ASCC3: variants seen among roughly 807,000 people sequenced by gnomAD.
ASCC3 encodes the protein activating signal cointegrator 1 complex subunit 3.
In ASCC3, 158 loss-of-function variants were observed where a neutral mutation model predicts 256.3. The observed-to-expected ratio is 0.62, with a 90% CI of 0.54 to 0.70. The LOEUF is 0.70. ASCC3 is among the 30% of genes least tolerant of loss of function. The pLI, the probability that ASCC3 is intolerant of heterozygous loss-of-function variation, is 0.00. For synonymous variants in ASCC3, 948 were observed against 883.4 expected, an observed-to-expected ratio of 1.07 and a Z score of -1.30; for missense variants, 2,259 against 2,626.0, an observed-to-expected ratio of 0.86 and a Z score of 3.05.
At chr6:100,691,644 A>T (rs919636601) in intron 13 of ASCC3, among the ~76,000 whole-genome samples, 3 of 152,084 alleles carry the variant, frequency 2.0e-5, no homozygotes, top group African/African-American at 7.2e-5. Context: ...GAAGAAAATA[A>T]AGATAATCAT....
intron 39 of ASCC3, among the ~76,000 whole-genome samples, chr6:100,513,280 G>C (rs1225551704): frequency 6.6e-6 from 1 of 152,072 alleles, no homozygotes; most frequent in East Asian, 1.9e-4. Flanking sequence ...CTAAAAGAGG[G>C]CTTATCATTA....
intron 25 of ASCC3, among the ~76,000 whole-genome samples, chr6:100,638,190 T>C (rs917207358): frequency 2.6e-5 from 4 of 152,182 alleles, no homozygotes; most frequent in Admixed American, 6.5e-5. Context: ...GCCATCAACA[T>C]TGAGGCAAAA....
chr6:100,766,405 CTCTT>C (rs1261182990), intron 10 of ASCC3, among the ~76,000 whole-genome samples, 156 bp downstream of exon 10: 1 of 152,132 alleles, frequency 6.6e-6, no homozygotes, highest in Non-Finnish European at 1.5e-5. Context: ...CCAGCAAAAA[CTCTT>C]TGTAGTACAG....
rs10696130 is a variant in ASCC3 at position 100,681,725 on chromosome 6, C to CAAAAAAAAAAAAAAAAA, written c.2152-1990_2152-1974dup. The stretch of plus-strand genomic sequence containing the variant: ...CTGGCAACAGAGCGAGACTCCGTCT[C>CAAAAAAAAAAAAAAAAA]AAAAAAAAAAAAAAAAAAAAAAGAA... On this transcript the variant is annotated intron_variant, in intron 13 of 41. Transcript: ENST00000369162. Among the ~76,000 whole-genome samples the CAAAAAAAAAAAAAAAAA allele has an allele frequency of 1.2e-4, 7 of 58,656 alleles. 1 individual carries two copies. In the East Asian group the frequency reaches 4.7e-3, roughly 40 times the overall value. 38.5% of individuals were successfully genotyped at this position (58,656 alleles called of 152,430 possible).
intron 4 of ASCC3, among the ~76,000 whole-genome samples, chr6:100,808,370 A>C (rs1192278231): frequency 6.6e-6 from 1 of 151,944 alleles, no homozygotes; most frequent in Non-Finnish European, 1.5e-5. Context: ...TTTCATTGTA[A>C]CTAAACTGCA....
chr6:100,848,440 G>A lies in ASCC3; in HGVS notation c.509C>T (p.Ser170Leu). 6.2e-7 allele frequency: 1 copy of A among 1,611,332 alleles called. No homozygotes were observed. The highest frequency in any genetic ancestry group is 8.5e-7 in the Non-Finnish European group (1 of 1,178,808). ...GTGGTCCAAATCATGCATGTCAAAT[G>A]AAAATGCTAAATTTTTACCAAAAAA... Reference protein sequence around the residue: ...RVFFGKNLAFSFDMHDLDHFD... With the variant: ...RVFFGKNLAFLFDMHDLDHFD... The change falls in exon 4 of 42, where the codon TCA (serine) becomes TTA (leucine). Residue 170 changes from serine to leucine, a missense_variant. By Grantham distance (145) the Ser-to-Leu change is moderately radical. Transcript: ENST00000369162.
intron 24 of ASCC3, 143 bp downstream of exon 24, chr6:100,642,438 T>G (rs555742923): frequency 2.6e-4 from 226 of 861,690 alleles, no homozygotes; most frequent in Non-Finnish European, 3.8e-4. Flanking sequence ...AAATGATGAA[T>G]GACAAATGAA....
At chr6:100,738,864 T>C (rs118084193) in intron 10 of ASCC3, among the ~76,000 whole-genome samples, 1 of 152,202 alleles carries the variant, frequency 6.6e-6, no homozygotes, top group Admixed American at 6.5e-5. Context: ...GTTTTCTAGA[T>C]AAAGGATCAT....
At chr6:100,523,521 C>T (rs569655297) in intron 37 of ASCC3, among the ~76,000 whole-genome samples, 1 of 152,196 alleles carries the variant, frequency 6.6e-6, no homozygotes, top group East Asian at 1.9e-4. Context: ...GAGGGGCTTC[C>T]GCTGGTCTCC....
intron 10 of ASCC3, among the ~76,000 whole-genome samples, chr6:100,734,301 A>T (rs1407971799): frequency 1.3e-5 from 2 of 152,230 alleles, no homozygotes; most frequent in Non-Finnish European, 2.9e-5. Flanking sequence ...TTCCTTAAAT[A>T]TAACTAATTT....
chr6:100,576,378 AT>A (rs1770860055), intron 36 of ASCC3, among the ~76,000 whole-genome samples: 1 of 152,108 alleles, frequency 6.6e-6, no homozygotes, highest in African/African-American at 2.4e-5. Flanking sequence ...GTCATACATA[AT>A]TTTAAAAGTA....
At position 100,516,144 on chromosome 6, in the gene ASCC3, A is replaced by C. The variant is rs772588863; in HGVS notation, c.6075+36T>G. The C allele has an allele frequency of 4.3e-6, 7 of 1,612,906 alleles. No homozygotes were observed. In the South Asian group the frequency reaches 7.7e-5, roughly 18 times the overall value. On this transcript the variant is annotated intron_variant, in intron 39 of 41. Transcript: ENST00000369162. ...AACTCTTGGTACACCTTCTCAGAGT[A>C]GGGGAGCCTTCAAAACACTTAAGAG...
At chr6:100,607,186 A>G in intron 30 of ASCC3, 98 bp from the exon 31 acceptor site, 1 of 1,261,574 alleles carries the variant, frequency 7.9e-7, no homozygotes. Context: ...TCTTTATGTT[A>G]TTATATGGAC....
chr6:100,714,636 G>T (rs1216623113), intron 13 of ASCC3, among the ~76,000 whole-genome samples: 1 of 151,514 alleles, frequency 6.6e-6, no homozygotes, highest in Non-Finnish European at 1.5e-5. Context: ...ACTAGAAAAG[G>T]TTAGCAACTA....
At chr6:100,601,966 C>T in intron 33 of ASCC3, 31 bp from the exon 34 acceptor site, 1 of 1,607,930 alleles carries the variant, frequency 6.2e-7, no homozygotes, top group Admixed American at 1.7e-5. Context: ...GGGAAGCATA[C>T]AAGAGCATTA....
At chr6:100,721,690 T>C (rs972774438) in intron 11 of ASCC3, among the ~76,000 whole-genome samples, 2 of 151,796 alleles carry the variant, frequency 1.3e-5, no homozygotes, top group African/African-American at 4.8e-5. Flanking sequence ...TATACACATA[T>C]TTTTAATTTA....
intron 13 of ASCC3, among the ~76,000 whole-genome samples, chr6:100,711,153 C>CTAAAGTA (rs776238454): frequency 0.015 from 2,295 of 152,236 alleles, 53 homozygotes; most frequent in African/African-American, 0.052. Context: ...GTACCAGGTA[C>CTAAAGTA]CTCCTTACCT....
intron 14 of ASCC3, among the ~76,000 whole-genome samples, chr6:100,670,925 A>G (rs2114948788): frequency 6.6e-6 from 1 of 152,178 alleles, no homozygotes; most frequent in East Asian, 1.9e-4. Flanking sequence ...ATCCATCAAT[A>G]TAGGATTCCA....
chr6:100,801,939 C>T (rs1769936293), intron 5 of ASCC3, among the ~76,000 whole-genome samples: 2 of 148,374 alleles, frequency 1.3e-5, no homozygotes, highest in Admixed American at 6.8e-5. Context: ...AAGCGTAAAA[C>T]TGTAAATATT....
Sources: gnomAD v4.1 joint callset for allele counts (sites outside exome capture counted in the v4.1 genomes callset) on GRCh38, gnomAD v4.1.1 for gene constraint, MANE v1.5 for transcripts, NCBI Gene and HGNC (gene_info 2026-07-23, HGNC 2026-07-21) for gene names.